The following POU6F2 variants were observed in gnomAD, a reference collection of about 807,000 sequenced individuals.
POU6F2 encodes POU class 6 homeobox 2, also known as POU domain, class 6, transcription factor 2.
In POU6F2, 31 loss-of-function variants were observed where a neutral mutation model predicts 71.3. The ratio of observed to expected loss-of-function variants is 0.43; its 90% CI spans 0.33 to 0.59. The LOEUF is 0.59. Among genes scored for constraint, POU6F2 ranks in the 20% least tolerant of loss-of-function variants. POU6F2 has a pLI of 0.04. For synonymous variants in POU6F2, 347 were observed against 355.7 expected (o/e 0.98, Z 0.27); for missense variants, 783 against 856.8 (o/e 0.91, Z 1.07).
At chr7:39,276,266 G>A (rs980114771) in intron 4 of POU6F2, among the ~76,000 whole-genome samples, 2 of 152,044 alleles carry the variant, frequency 1.3e-5, no homozygotes, top group African/African-American at 4.8e-5. Flanking sequence ...CTTCTCAAAA[G>A]AAGACATTTA....
At chr7:39,438,281 C>CT (rs1288087699) in intron 7 of POU6F2, among the ~76,000 whole-genome samples, 2 of 152,138 alleles carry the variant, frequency 1.3e-5, no homozygotes, top group East Asian at 3.8e-4. Context: ...TGAACTCATC[C>CT]TTTTTTGTGG....
At chr7:39,090,313 A>G (rs1421985651) in intron 2 of POU6F2, among the ~76,000 whole-genome samples, 1 of 151,980 alleles carries the variant, frequency 6.6e-6, no homozygotes, top group Non-Finnish European at 1.5e-5. Flanking sequence ...ATCCAGTTTG[A>G]CTTGATTAGA....
intron 9 of POU6F2, among the ~76,000 whole-genome samples, chr7:39,462,833 G>A (rs181472771): frequency 8.6e-4 from 131 of 152,292 alleles, no homozygotes; most frequent in African/African-American, 2.6e-3. Context: ...GGAATGCTAT[G>A]GAAATTGCAT....
At chr7:39,194,821 C>T (rs150231062) in intron 2 of POU6F2, among the ~76,000 whole-genome samples, 7 of 152,272 alleles carry the variant, frequency 4.6e-5, no homozygotes, top group African/African-American at 1.7e-4. Context: ...TCAGCGAGAC[C>T]ACGAACCCCC....
chr7:39,031,179 G>A (rs1326650197), intron 1 of POU6F2, among the ~76,000 whole-genome samples: 3 of 152,064 alleles, frequency 2.0e-5, no homozygotes, highest in Non-Finnish European at 2.9e-5. Flanking sequence ...GATTACAGGC[G>A]TGAGCCACCG....
rs925471138 is a variant in POU6F2, at chr7:39,034,443, C to G, written c.106-51417C>G. On this transcript the variant is annotated intron_variant, in intron 1 of 9. Coordinates refer to ENST00000518318, the MANE Select transcript of POU6F2 (RefSeq NM_001370959.1). ...GCACCTGAAGTGTTCTCGGCAGGAG[C>G]AGTTCTAGAATACTTTATTACATAT... is the stretch of plus-strand genomic sequence containing the variant. 3 of 405,826 alleles carry G rather than the reference C, an allele frequency of 7.4e-6. No homozygotes were observed. The Admixed American group carries it at 7.5e-5, about 10-fold the overall frequency. The allele number at this position is 405,826 out of a possible 1,614,324, so 25.1% of individuals were successfully genotyped here. A position where few individuals can be genotyped will look rare whatever the true frequency, so the allele number is the denominator to read the frequency against.
intron 5 of POU6F2, among the ~76,000 whole-genome samples, chr7:39,400,163 G>A (rs1462159651): frequency 6.6e-6 from 1 of 152,160 alleles, no homozygotes; most frequent in Non-Finnish European, 1.5e-5. Context: ...CAGCCAGGTC[G>A]AATTCTCCTA....
In POU6F2 at chr7:39,379,010, A is replaced by G. The variant is rs774946370; in HGVS notation, c.973-27590A>G. Among the ~76,000 whole-genome samples, 126 of 152,188 alleles carry G rather than the reference A, an allele frequency of 8.3e-4. 1 individual carries two copies. Among genetic ancestry groups the G allele is most frequent in the Non-Finnish European group, 3.7e-4 (25 of 68,038 alleles). ...ATGACCTTGCAATAGTCCAAGGTCT[A>G]GTGGAAAAGAGGAGGACAAGCAGAT... On this transcript the variant is annotated intron_variant, in intron 5 of 9. Coordinates refer to ENST00000518318, the MANE Select transcript of POU6F2 (RefSeq NM_001370959.1).
intron 4 of POU6F2, among the ~76,000 whole-genome samples, chr7:39,278,603 C>A (rs1248361950): frequency 6.6e-6 from 1 of 152,160 alleles, no homozygotes; most frequent in African/African-American, 2.4e-5. Context: ...CCAATCTAGA[C>A]ACCCACCCGT....
At chr7:39,180,928 A>G (rs1297371495) in intron 2 of POU6F2, among the ~76,000 whole-genome samples, 1 of 152,146 alleles carries the variant, frequency 6.6e-6, no homozygotes, top group Non-Finnish European at 1.5e-5. Context: ...CAACTAAGGC[A>G]CTTTAAATAA....
At chr7:39,401,763 A>G (rs1176447099) in intron 5 of POU6F2, among the ~76,000 whole-genome samples, 1 of 152,226 alleles carries the variant, frequency 6.6e-6, no homozygotes, top group African/African-American at 2.4e-5. Context: ...TTTGAAAACA[A>G]TGACACCGTA....
rs35085212 is a variant in POU6F2 at position 39,327,278 on chromosome 7, C to CAAA, written c.599-12352_599-12350dup. On this transcript the variant is annotated intron_variant, in intron 4 of 9. Transcript: ENST00000518318. ...TGGGTGACAGAGGGAGACTCTGTCTCAAAAAAAAAAAAAACAGAAATTCAT... is the reference window on the plus strand; with the variant it reads ...TGGGTGACAGAGGGAGACTCTGTCTCAAAAAAAAAAAAAAAAACAGAAATTCAT... Among the ~76,000 whole-genome samples, 761 of 122,248 alleles carry CAAA rather than the reference C, an allele frequency of 6.2e-3. 6 individuals are homozygous for CAAA. Among genetic ancestry groups the CAAA allele is most frequent in the Non-Finnish European group, 9.4e-3 (535 of 56,702 alleles). 80.2% of individuals were successfully genotyped at this position (122,248 alleles called of 152,430 possible).
intron 4 of POU6F2, among the ~76,000 whole-genome samples, chr7:39,280,251 A>T (rs1214958039): frequency 6.6e-6 from 1 of 152,202 alleles, no homozygotes; most frequent in Non-Finnish European, 1.5e-5. Context: ...ATATGTGCTA[A>T]GCCCATGCTC....
intron 4 of POU6F2, among the ~76,000 whole-genome samples, chr7:39,290,625 G>T (rs75167409): frequency 2.6e-5 from 4 of 152,228 alleles, no homozygotes; most frequent in Non-Finnish European, 4.4e-5. Context: ...TTCCTTGAAC[G>T]TTTTTGTTTG....
chr7:39,010,012 T>G (rs1437842570), intron 1 of POU6F2, among the ~76,000 whole-genome samples: 1 of 151,186 alleles, frequency 6.6e-6, no homozygotes, highest in Non-Finnish European at 1.5e-5. Flanking sequence ...TGCCAGGCTT[T>G]GGTATCAGAA....
At chr7:39,454,044 A>G (rs1473057589) in intron 8 of POU6F2, among the ~76,000 whole-genome samples, 4 of 152,224 alleles carry the variant, frequency 2.6e-5, no homozygotes, top group African/African-American at 2.4e-5. Context: ...TACAGAATGA[A>G]TAGTACATGA....
chr7:39,304,168 AAAAC>A (rs1282554312), intron 4 of POU6F2, among the ~76,000 whole-genome samples: 1 of 152,230 alleles, frequency 6.6e-6, no homozygotes, highest in East Asian at 1.9e-4. Flanking sequence ...GAAAAGATAA[AAAAC>A]AAACTGAGAA....
chr7:39,327,981 C>T (rs1032107919), intron 4 of POU6F2, among the ~76,000 whole-genome samples: 1 of 152,124 alleles, frequency 6.6e-6, no homozygotes, highest in African/African-American at 2.4e-5. Context: ...AGTGCAGTGG[C>T]ATGATCTCAG....
intron 2 of POU6F2, among the ~76,000 whole-genome samples, chr7:39,191,152 A>C (rs1023381771): frequency 9.2e-5 from 14 of 152,182 alleles, no homozygotes; most frequent in African/African-American, 3.1e-4. Flanking sequence ...CCTTTTAACC[A>C]ACACTTTAAT....
Sources: allele counts gnomAD v4.1 joint callset (sites outside exome capture counted in the v4.1 genomes callset), GRCh38; gene constraint gnomAD v4.1.1; transcripts MANE v1.5; gene names NCBI Gene and HGNC (gene_info 2026-07-23, HGNC 2026-07-21).